Variants in PAK2 observed in about 807,000 individuals in gnomAD.
PAK2 encodes the protein p21 (RAC1) activated kinase 2.
A neutral mutation model predicts 65.9 loss-of-function variants in PAK2; 21 were observed. That is an observed-to-expected ratio of 0.32 (90% CI 0.23 to 0.46). PAK2 has a LOEUF of 0.46. PAK2 is among the 20% of genes least tolerant of loss of function. The pLI is 1.00. For synonymous variants in PAK2, 204 were observed against 219.7 expected, an observed-to-expected ratio of 0.93 and a Z score of 0.63; for missense variants, 324 against 642.6, an observed-to-expected ratio of 0.50 and a Z score of 5.36.
chr3:196,785,687 T>C (rs1714863031), intron 2 of PAK2, among the ~76,000 whole-genome samples: 1 of 152,160 alleles, frequency 6.6e-6, no homozygotes, highest in Admixed American at 6.5e-5. Flanking sequence ...TGAGACTGGG[T>C]AATTTATACA....
rs113772993 is a variant in PAK2 at position 196,766,142 on chromosome 3, G to A, written c.-21-16484G>A. Reference sequence around the variant, plus strand: ...GAACTCCTGATCTCATGATCCGCCCGCCTCGACCTCCCAAAGTGCTGGGAT... The same window carrying A: ...GAACTCCTGATCTCATGATCCGCCCACCTCGACCTCCCAAAGTGCTGGGAT... On this transcript the variant is annotated intron_variant, in intron 1 of 14. Transcript: ENST00000327134. 4.6e-3 allele frequency among the ~76,000 whole-genome samples: 695 copies of A among 152,070 alleles called. 6 individuals are homozygous for A. The highest frequency in any genetic ancestry group is 0.016 in the African/African-American group (649 of 41,450).
At chr3:196,815,147 T>C (rs1258140635) in intron 11 of PAK2, among the ~76,000 whole-genome samples, 4 of 151,004 alleles carry the variant, frequency 2.6e-5, no homozygotes, top group Admixed American at 1.3e-4. Context: ...ACCACTGCAC[T>C]CCAGCCTGGG....
chr3:196,759,454 A>C (rs1376203458), intron 1 of PAK2, among the ~76,000 whole-genome samples: 1 of 148,346 alleles, frequency 6.7e-6, no homozygotes, highest in African/African-American at 2.5e-5. Flanking sequence ...ATTCATATAC[A>C]GTAAAATTCA....
At chr3:196,773,460 C>A (rs1714423970) in intron 1 of PAK2, among the ~76,000 whole-genome samples, 1 of 152,088 alleles carries the variant, frequency 6.6e-6, no homozygotes, top group South Asian at 2.1e-4. Flanking sequence ...ACAAAAAATA[C>A]TGTTTTATGG....
chr3:196,774,219 A>G (rs1413444275), intron 1 of PAK2, among the ~76,000 whole-genome samples: 8 of 152,232 alleles, frequency 5.3e-5, no homozygotes. Context: ...TATTAGCATA[A>G]GTAAGAAAAA....
intron 1 of PAK2, among the ~76,000 whole-genome samples, chr3:196,751,671 A>ATATATATATATATATATATG (rs1560089772): frequency 3.6e-5 from 1 of 27,450 alleles, no homozygotes; most frequent in East Asian, 4.5e-4. Context: ...ATTTATTTAT[A>ATATATATATATATATATATG]TACATATATA....
At chr3:196,757,900 G>A (rs1056313222) in intron 1 of PAK2, among the ~76,000 whole-genome samples, 3 of 152,194 alleles carry the variant, frequency 2.0e-5, no homozygotes, top group Admixed American at 1.3e-4. Context: ...TTCTGGGTCA[G>A]TTTTATTGGT....
At chr3:196,802,582 C>T (rs1213980524) in intron 3 of PAK2, among the ~76,000 whole-genome samples, 2 of 152,094 alleles carry the variant, frequency 1.3e-5, no homozygotes, top group Non-Finnish European at 2.9e-5. Context: ...GTGGCTCACG[C>T]CTGTGTAATC....
At chr3:196,794,510 TCA>T (rs1350406746) in intron 2 of PAK2, among the ~76,000 whole-genome samples, 4 of 152,114 alleles carry the variant, frequency 2.6e-5, no homozygotes, top group Non-Finnish European at 4.4e-5. Context: ...CTCCCCCAAT[TCA>T]CAGTGTCTAC....
intron 7 of PAK2, 68 bp from the exon 8 acceptor site, chr3:196,810,522 A>C (rs758525346): frequency 3.6e-6 from 3 of 827,030 alleles, no homozygotes; most frequent in Non-Finnish European, 6.3e-6. Context: ...ATTAAAAGGA[A>C]TAATAATATC....
rs1434935982 is a variant in PAK2 at position 196,830,775 on chromosome 3, A to C, written c.*2370A>C. 6.6e-6 allele frequency: 1 copy of C among 152,214 alleles called. No homozygotes were observed. Among genetic ancestry groups the C allele is most frequent in the Non-Finnish European group, 1.5e-5 (1 of 68,038 alleles). The allele number at this position is 152,214 out of a possible 1,614,324, so 9.4% of individuals were successfully genotyped here. ...AGAAATATACTTTGGTTAATTTTGA[A>C]ATGTGTCATTTTTAAACAATCTTAA... On this transcript the variant is annotated 3_prime_UTR_variant, in exon 15 of 15. Transcript: ENST00000327134.
intron 5 of PAK2, 106 bp from the exon 6 acceptor site, chr3:196,806,473 A>G: frequency 1.5e-6 from 1 of 678,710 alleles, no homozygotes; most frequent in Non-Finnish European, 2.7e-6. Flanking sequence ...TGGTTTTGAA[A>G]TGAGCTATCA....
chr3:196,787,685 G>T (rs1714937473), intron 2 of PAK2, among the ~76,000 whole-genome samples: 1 of 152,198 alleles, frequency 6.6e-6, no homozygotes, highest in African/African-American at 2.4e-5. Flanking sequence ...CCTTTGTGTA[G>T]CCTGTTTACA....
rs375677500 is a variant in PAK2 at position 196,763,083 on chromosome 3, GAAAGAGCT to G, written c.-21-19541_-21-19534del. On this transcript the variant is annotated intron_variant, in intron 1 of 14. Transcript: ENST00000327134. ...GATAGACCCCCCACCCCCTGCCTGG[GAAAGAGCT>G]ATTCCTTTTCCCAGAGCTGAGATCC... is the stretch of plus-strand genomic sequence containing the variant. 5.9e-5 allele frequency among the ~76,000 whole-genome samples: 9 copies of G among 152,288 alleles called. No homozygotes were observed. In the East Asian group the frequency reaches 1.7e-3, roughly 29 times the overall value.
chr3:196,800,923 C>T (rs1715405922), intron 2 of PAK2, among the ~76,000 whole-genome samples: 1 of 151,770 alleles, frequency 6.6e-6, no homozygotes, highest in East Asian at 1.9e-4. Context: ...CTGCAGGAAG[C>T]GTAGGCATGA....
In PAK2 at chr3:196,823,731, G is replaced by A. The variant is rs145048807; in HGVS notation, c.1350+3164G>A. The stretch of plus-strand genomic sequence containing the variant: ...ACAAAAATGAGCCAGGCATGGTGGC[G>A]TGCACCTGTATTCCCAGCTACTCGA... On this transcript the variant is annotated intron_variant, in intron 13 of 14. Transcript: ENST00000327134. 7.7e-3 allele frequency among the ~76,000 whole-genome samples: 1,151 copies of A among 150,398 alleles called. 8 individuals are homozygous for A. Among genetic ancestry groups the A allele is most frequent in the Middle Eastern group, 0.038 (11 of 290 alleles).
intron 2 of PAK2, among the ~76,000 whole-genome samples, chr3:196,793,132 T>G (rs1715130608): frequency 6.6e-6 from 1 of 152,038 alleles, no homozygotes. Context: ...CCCCCAGGAC[T>G]CCTCCTTTAC....
At chr3:196,817,777 C>T (rs1157007402) in intron 11 of PAK2, among the ~76,000 whole-genome samples, 6 of 152,160 alleles carry the variant, frequency 3.9e-5, no homozygotes, top group Admixed American at 3.9e-4. Context: ...AGACATTATA[C>T]AGACCCAGCT....
At chr3:196,786,064 A>G (rs1017710668) in intron 2 of PAK2, among the ~76,000 whole-genome samples, 2 of 152,156 alleles carry the variant, frequency 1.3e-5, no homozygotes, top group African/African-American at 4.8e-5. Context: ...ATATGATGTT[A>G]AAGATAGTAT....
Sources: gnomAD v4.1 joint callset for allele counts (sites outside exome capture counted in the v4.1 genomes callset) on GRCh38, gnomAD v4.1.1 for gene constraint, MANE v1.5 for transcripts, NCBI Gene and HGNC (gene_info 2026-07-23, HGNC 2026-07-21) for gene names.